TMEM117: variants seen among roughly 807,000 people sequenced by gnomAD.
TMEM117 encodes the protein transmembrane protein 117.
In TMEM117, 27 loss-of-function variants were observed where a neutral mutation model predicts 52.4. The ratio of observed to expected loss-of-function variants is 0.51; its 90% confidence interval spans 0.38 to 0.71. TMEM117 has a LOEUF of 0.71. Among genes scored for constraint, TMEM117 ranks in the 30% least tolerant of loss-of-function variants. The pLI, the probability that TMEM117 is intolerant of heterozygous loss-of-function variation, is 0.00. For synonymous variants in TMEM117, 215 were observed against 206.3 expected, an observed-to-expected ratio of 1.04 and a Z score of -0.36; for missense variants, 556 against 630.5, an observed-to-expected ratio of 0.88 and a Z score of 1.26.
chr12:43,952,956 C>T (rs1945248193), intron 3 of TMEM117, among the ~76,000 whole-genome samples: 2 of 152,244 alleles, frequency 1.3e-5, no homozygotes, highest in South Asian at 4.1e-4. Context: ...TAAGCAGAAA[C>T]CCTGCAAGCC....
chr12:44,168,073 G>A (rs1296797361), intron 4 of TMEM117, among the ~76,000 whole-genome samples: 1 of 152,034 alleles, frequency 6.6e-6, no homozygotes, highest in Non-Finnish European at 1.5e-5. Context: ...GGCCAATATG[G>A]TGAAACCCCG....
the TMEM117 span, among the ~76,000 whole-genome samples, chr12:43,830,145 C>T: frequency 1.3e-5 from 2 of 150,034 alleles, no homozygotes; most frequent in Admixed American, 6.6e-5. Flanking sequence ...AATTGCCCCT[C>T]TCTGTCAAGG....
chr12:44,097,397 A>C lies in TMEM117; in HGVS notation c.411-46128A>C, dbSNP rs145671558. On this transcript the variant is annotated intron_variant, in intron 3 of 7. Coordinates refer to ENST00000266534, the MANE Select transcript of TMEM117 (RefSeq NM_032256.3). Reference sequence around the variant, plus strand: ...CCCAAAGGACTATAAATCATGCTGCAATAAAGAGACATGCACACGTATGTT... The same window carrying C: ...CCCAAAGGACTATAAATCATGCTGCCATAAAGAGACATGCACACGTATGTT... Among the ~76,000 whole-genome samples the C allele has an allele frequency of 1.0e-3, 153 of 148,090 alleles. 5 individuals are homozygous for C. The East Asian group carries it at 0.028, about 27-fold the overall frequency.
In TMEM117 at chr12:43,897,059, C is replaced by T. The variant is rs562524370; in HGVS notation, c.278-47151C>T. ...ACTTTTTCTTTCTCTGTGAGATTGC[C>T]TCTCTGATTATTAAGTAAATTCTCC... On this transcript the variant is annotated intron_variant, in intron 2 of 7. Transcript: ENST00000266534. Among the ~76,000 whole-genome samples, 9 of 152,192 alleles carry T rather than the reference C, an allele frequency of 5.9e-5. No individual in the cohort carries two copies. The South Asian group carries it at 1.9e-3, about 32-fold the overall frequency.
rs145908615 is a variant in TMEM117, at chr12:43,905,465, A to G, written c.278-38745A>G. ...ACACCGTGGCTGAAGACATTCTCCC[A>G]TTAGATTATATTAACTGTTAGTCAA... On this transcript the variant is annotated intron_variant, in intron 2 of 7. Coordinates refer to ENST00000266534, the MANE Select transcript of TMEM117 (RefSeq NM_032256.3). 2.7e-4 allele frequency among the ~76,000 whole-genome samples: 41 copies of G among 152,306 alleles called. No homozygotes were observed. The East Asian group carries it at 7.7e-3, about 29-fold the overall frequency.
At chr12:44,234,354 T>C (rs1949968797) in intron 5 of TMEM117, among the ~76,000 whole-genome samples, 1 of 151,400 alleles carries the variant, frequency 6.6e-6, no homozygotes, top group Non-Finnish European at 1.5e-5. Flanking sequence ...TCAGCATTTG[T>C]CCAGTTTTTT....
chr12:44,277,212 G>A (rs1212164154), intron 5 of TMEM117, among the ~76,000 whole-genome samples: 4 of 151,910 alleles, frequency 2.6e-5, no homozygotes, highest in South Asian at 2.1e-4. Flanking sequence ...TGCTTAAGCC[G>A]AGGTTTATTT....
intron 6 of TMEM117, among the ~76,000 whole-genome samples, chr12:44,326,891 T>C (rs895081682): frequency 7.9e-5 from 12 of 152,218 alleles, no homozygotes; most frequent in African/African-American, 2.9e-4. Context: ...GCTACCTATA[T>C]ACTGAAGCCT....
intron 4 of TMEM117, among the ~76,000 whole-genome samples, chr12:44,190,902 A>G (rs1020328859): frequency 3.9e-4 from 58 of 148,150 alleles, no homozygotes; most frequent in African/African-American, 1.2e-3. Context: ...TATAAAGTAT[A>G]TATGTAATAT....
chr12:44,313,373 C>T (rs1951015312), intron 6 of TMEM117, among the ~76,000 whole-genome samples: 1 of 152,110 alleles, frequency 6.6e-6, no homozygotes, highest in Non-Finnish European at 1.5e-5. Context: ...GGAGTTCTTT[C>T]CTTATTGCTT....
At chr12:44,327,296 T>G (rs1263978046) in intron 6 of TMEM117, among the ~76,000 whole-genome samples, 1 of 152,236 alleles carries the variant, frequency 6.6e-6, no homozygotes, top group East Asian at 1.9e-4. Flanking sequence ...GGTATAAAAC[T>G]ATCTTTGGTA....
intron 2 of TMEM117, among the ~76,000 whole-genome samples, chr12:43,908,074 A>G (rs1944424671): frequency 1.6e-5 from 1 of 62,434 alleles, no homozygotes; most frequent in African/African-American, 3.1e-5. Flanking sequence ...ATGAAGGAAA[A>G]AATGTGAAGG....
chr12:44,038,242 G>C (rs892370209), intron 3 of TMEM117, among the ~76,000 whole-genome samples: 1 of 152,124 alleles, frequency 6.6e-6, no homozygotes, highest in Non-Finnish European at 1.5e-5. Flanking sequence ...GAAAAGCTGT[G>C]GCCCCTTGGG....
chr12:44,054,255 G>T (rs908260175), intron 3 of TMEM117, among the ~76,000 whole-genome samples: 1 of 152,146 alleles, frequency 6.6e-6, no homozygotes, highest in African/African-American at 2.4e-5. Flanking sequence ...CTTTATCGAG[G>T]ATTGGAAAGG....
intron 3 of TMEM117, among the ~76,000 whole-genome samples, chr12:44,133,247 A>T (rs996137480): frequency 6.6e-6 from 1 of 152,234 alleles, no homozygotes; most frequent in African/African-American, 2.4e-5. Context: ...CATGAGTGGC[A>T]GTAGCAGGCT....
chr12:44,036,518 T>C (rs1206984735), intron 3 of TMEM117, among the ~76,000 whole-genome samples: 1 of 152,260 alleles, frequency 6.6e-6, no homozygotes. Flanking sequence ...ACTTGCTTTT[T>C]TCACTCAACT....
chr12:44,283,141 G>A (rs1316744191), intron 5 of TMEM117, among the ~76,000 whole-genome samples: 2 of 152,250 alleles, frequency 1.3e-5, no homozygotes, highest in Non-Finnish European at 2.9e-5. Context: ...AAAGTTTGCT[G>A]CAGGGGCGAG....
chr12:43,802,439 A>T, the TMEM117 span: 1 of 1,601,090 alleles, frequency 6.2e-7, no homozygotes, highest in East Asian at 2.2e-5. Context: ...CTGAAGGCTG[A>T]CTATATGATC....
rs1453317710 is a variant in TMEM117, at chr12:43,836,116, G to C, written c.-109G>C. The C allele has an allele frequency of 6.6e-6, 1 of 151,962 alleles. No individual in the cohort carries two copies. The highest frequency in any genetic ancestry group is 2.4e-5 in the African/African-American group (1 of 41,404). The allele number at this position is 151,962 out of a possible 1,614,324, so 9.4% of individuals were successfully genotyped here. On this transcript the variant is annotated 5_prime_UTR_variant, in exon 1 of 8. Coordinates refer to ENST00000266534, the MANE Select transcript of TMEM117 (RefSeq NM_032256.3). ...CCGGCCCGTCTCGCCGCGCTTCCCA[G>C]CGAGGCCGCCGGCGCGCCGAGGGCT... is the stretch of plus-strand genomic sequence containing the variant.
Sources: allele counts gnomAD v4.1 joint callset (sites outside exome capture counted in the v4.1 genomes callset), GRCh38; gene constraint gnomAD v4.1.1; transcripts MANE v1.5; gene names NCBI Gene and HGNC (gene_info 2026-07-23, HGNC 2026-07-21).